TTC13: variants seen among roughly 807,000 people sequenced by gnomAD.
TTC13 encodes the protein tetratricopeptide repeat protein 13.
Under a neutral mutation model 120.0 loss-of-function variants are expected in TTC13, and 62 were observed. The ratio of observed to expected loss-of-function variants is 0.52; its 90% CI spans 0.42 to 0.64. The LOEUF is 0.64. TTC13 is among the 30% of genes least tolerant of loss of function. TTC13 has a pLI of 0.00. For missense variants in TTC13, 824 were observed against 1,050.2 expected, an observed-to-expected ratio of 0.78 and a Z score of 2.98; for synonymous variants, 384 against 393.5, an observed-to-expected ratio of 0.98 and a Z score of 0.28.
rs1016270513 is a variant in TTC13, at chr1:230,942,593, T to C, written c.672+1213A>G. Among the ~76,000 whole-genome samples the C allele has an allele frequency of 6.6e-6, 1 of 152,228 alleles. No individual in the cohort carries two copies. The highest frequency in any genetic ancestry group is 1.5e-5 in the Non-Finnish European group (1 of 68,044). The stretch of plus-strand genomic sequence containing the variant: ...CCAAAAGAGAAAATAAAAAGTAATT[T>C]TTTCTTTAGTTCAACTATGAGATCA... On this transcript the variant is annotated intron_variant, in intron 6 of 22. Transcript: ENST00000366661. This position sits in a 1 kb window ranked among gnomAD's most constrained non-coding sequence, Gnocchi z 4.0.
At chr1:230,964,868 A>G (rs1473907456) in intron 1 of TTC13, among the ~76,000 whole-genome samples, 2 of 152,238 alleles carry the variant, frequency 1.3e-5, no homozygotes, top group African/African-American at 4.8e-5. Context: ...TGCCAAGAAT[A>G]CACACTGGGG....
chr1:230,927,101 T>C (rs1273117556), intron 12 of TTC13, among the ~76,000 whole-genome samples: 1 of 152,218 alleles, frequency 6.6e-6, no homozygotes, highest in Non-Finnish European at 1.5e-5. Context: ...TAATATCCCA[T>C]TGTGTGACTG....
chr1:230,960,742 C>T (rs897912372), intron 2 of TTC13, among the ~76,000 whole-genome samples: 1 of 152,112 alleles, frequency 6.6e-6, no homozygotes, highest in Non-Finnish European at 1.5e-5. Flanking sequence ...AAGACCCATC[C>T]CTCTTGAGGC....
intron 1 of TTC13, among the ~76,000 whole-genome samples, chr1:230,974,063 C>T (rs1230858017): frequency 1.4e-5 from 2 of 143,168 alleles, no homozygotes; most frequent in Non-Finnish European, 3.0e-5. Flanking sequence ...GGTGACAGGG[C>T]GATACTCCAT....
At chr1:230,913,829 C>A (rs891060686) in intron 18 of TTC13, among the ~76,000 whole-genome samples, 1 of 152,170 alleles carries the variant, frequency 6.6e-6, no homozygotes, top group Non-Finnish European at 1.5e-5. Context: ...AACTGGGGAA[C>A]AAGCATTCCA....
intron 17 of TTC13, 95 bp from the exon 18 acceptor site, chr1:230,916,397 T>C: frequency 1.1e-6 from 1 of 941,924 alleles, no homozygotes; most frequent in South Asian, 1.3e-5. Flanking sequence ...TACATGTTTT[T>C]AAAAAGGGCC....
rs1414863708 is a variant in TTC13, at chr1:230,923,911, C to T, written c.1744G>A (p.Val582Met). 7 of 1,613,860 alleles carry T rather than the reference C, an allele frequency of 4.3e-6. No individual in the cohort carries two copies. The highest frequency in any genetic ancestry group is 1.7e-4 in the Middle Eastern group (1 of 6,060). ...GCTGGCATTTGATCTAACCACAGCA[C>T]GGGCTGGTCTGGGTCAGCAATCCTA... ...WRRIADPDQP[V>M]LWLDQMPARS... Residue 582 changes from valine to methionine, a missense_variant, in exon 15 of 23, where the codon GTG (valine) becomes ATG (methionine). By Grantham distance (21) the Val-to-Met change is conservative. Coordinates refer to ENST00000366661, the MANE Select transcript of TTC13 (RefSeq NM_024525.5).
At chr1:230,945,848 A>G (rs1055295684) in intron 4 of TTC13, among the ~76,000 whole-genome samples, 10 of 152,216 alleles carry the variant, frequency 6.6e-5, no homozygotes, top group Non-Finnish European at 1.5e-4. Flanking sequence ...AATGCCTGTA[A>G]CTAATGTGTT....
At chr1:230,926,473 T>C (rs986808394) in intron 12 of TTC13, among the ~76,000 whole-genome samples, 1 of 152,198 alleles carries the variant, frequency 6.6e-6, no homozygotes, top group African/African-American at 2.4e-5. Flanking sequence ...AAATTCCAGA[T>C]ACCCAGAAGG....
chr1:230,967,954 GTTC>G (rs1677291940), intron 1 of TTC13, among the ~76,000 whole-genome samples: 1 of 152,156 alleles, frequency 6.6e-6, no homozygotes, highest in African/African-American at 2.4e-5. Context: ...ATTCTATCTT[GTTC>G]TTCTACATCA....
chr1:230,948,407 A>AAAAAG (rs1192644847), intron 4 of TTC13, among the ~76,000 whole-genome samples: 7 of 151,714 alleles, frequency 4.6e-5, no homozygotes, highest in Admixed American at 4.6e-4. Context: ...ATACAAAAAA[A>AAAAAG]AAAAAAAAAG....
chr1:230,962,895 G>A (rs1347539955), intron 1 of TTC13, among the ~76,000 whole-genome samples: 2 of 152,178 alleles, frequency 1.3e-5, no homozygotes, highest in African/African-American at 4.8e-5. Flanking sequence ...TGAATCCATA[G>A]AGACAAAATG....
chr1:230,934,569 T>G (rs998769207), intron 8 of TTC13, among the ~76,000 whole-genome samples: 1 of 152,204 alleles, frequency 6.6e-6, no homozygotes, highest in Admixed American at 6.5e-5. Context: ...CCTCTCCATC[T>G]ATGAAAACTA....
chr1:230,965,511 C>T (rs1677043744), intron 1 of TTC13, among the ~76,000 whole-genome samples: 1 of 152,184 alleles, frequency 6.6e-6, no homozygotes, highest in Non-Finnish European at 1.5e-5. Context: ...AACACTTGTA[C>T]ACTGCAGTGG....
At chr1:230,954,176 A>C (rs183550476) in intron 4 of TTC13, among the ~76,000 whole-genome samples, 157 bp downstream of exon 4, 2 of 152,300 alleles carry the variant, frequency 1.3e-5, no homozygotes, top group African/African-American at 4.8e-5. Context: ...GCATGTCACA[A>C]GGCCTGGCAG....
At chr1:230,931,551 T>C (rs532867602) in intron 10 of TTC13, 79 bp from the exon 11 acceptor site, 9 of 1,547,396 alleles carry the variant, frequency 5.8e-6, no homozygotes, top group Admixed American at 3.6e-5. Flanking sequence ...CTGGAATTAG[T>C]TTTCCCTCCA....
At chr1:230,928,191 T>C (rs1290113178) in intron 12 of TTC13, among the ~76,000 whole-genome samples, 1 of 152,202 alleles carries the variant, frequency 6.6e-6, no homozygotes, top group African/African-American at 2.4e-5. Flanking sequence ...TTGAATGGCA[T>C]TTTATTAAAT....
intron 17 of TTC13, 111 bp from the exon 18 acceptor site, chr1:230,916,413 G>A (rs1672035372): frequency 6.1e-6 from 5 of 814,328 alleles, no homozygotes; most frequent in Non-Finnish European, 1.1e-5. Flanking sequence ...GGGCCAAGGA[G>A]GTCATCTGAT....
chr1:230,951,960 C>G (rs913202170), intron 4 of TTC13, among the ~76,000 whole-genome samples: 4 of 152,134 alleles, frequency 2.6e-5, no homozygotes, highest in Non-Finnish European at 4.4e-5. Context: ...TTGATGAAAT[C>G]AACAGAAAAC....
Sources: allele counts gnomAD v4.1 joint callset (sites outside exome capture counted in the v4.1 genomes callset), GRCh38; gene constraint gnomAD v4.1.1; non-coding constraint Gnocchi (gnomAD v3.1); transcripts MANE v1.5; gene names NCBI Gene and HGNC (gene_info 2026-07-23, HGNC 2026-07-21).